ARID5B: variants seen among roughly 807,000 people sequenced by gnomAD.
ARID5B encodes AT-rich interaction domain 5B.
In ARID5B, 13 loss-of-function variants were observed where a neutral mutation model predicts 97.2. The ratio of observed to expected loss-of-function variants is 0.13; its 90% CI spans 0.09 to 0.21. The LOEUF (loss-of-function observed/expected upper bound fraction) is 0.21, where lower values mean the gene tolerates loss of function less well. ARID5B is among the 10% of genes least tolerant of loss of function. The pLI, the probability that ARID5B is intolerant of heterozygous loss-of-function variation, is 1.00. For missense variants in ARID5B, 1,210 were observed against 1,465.3 expected, an observed-to-expected ratio of 0.83 and a Z score of 2.84; for synonymous variants, 556 against 570.3, an observed-to-expected ratio of 0.97 and a Z score of 0.36.
At chr10:62,023,415 T>G (rs1016509755) in intron 4 of ARID5B, among the ~76,000 whole-genome samples, 1 of 152,224 alleles carries the variant, frequency 6.6e-6, no homozygotes, top group African/African-American at 2.4e-5. Context: ...CACAGAATCC[T>G]TTTGAGTCTT....
chr10:62,091,644 C>G lies in ARID5B; in HGVS notation c.2181C>G (p.Asp727Glu). 2 of 1,614,144 alleles carry G rather than the reference C, an allele frequency of 1.2e-6. No homozygotes were observed. Among genetic ancestry groups the G allele is most frequent in the Non-Finnish European group, 1.7e-6 (2 of 1,180,024 alleles). Reference sequence around the variant, plus strand: ...AAAAGAAACTGATTGCTAGGGATGACTTGTGTTCCAGTTTGTCCCAGACCC... The same window carrying G: ...AAAAGAAACTGATTGCTAGGGATGAGTTGTGTTCCAGTTTGTCCCAGACCC... ...ISKKKLIARD[D>E]LCSSLSQTHH... Residue 727 changes from aspartate to glutamate, a missense_variant, in exon 10 of 10, where the codon GAC (aspartate) becomes GAG (glutamate). Asp to Glu is a conservative substitution (Grantham distance 45). Around this residue, in one of 8 missense-constraint regions of ARID5B, gnomAD observed 800 missense variants for 839.1 expected, o/e 0.95. Transcript: ENST00000279873.
At chr10:61,988,068 A>G (rs1042717373) in intron 3 of ARID5B, among the ~76,000 whole-genome samples, 2 of 152,216 alleles carry the variant, frequency 1.3e-5, no homozygotes, top group South Asian at 4.1e-4. Context: ...ACCCTGTACA[A>G]AAAGGAAGTA....
At chr10:62,085,377 T>C (rs972985933) in intron 8 of ARID5B, among the ~76,000 whole-genome samples, 1 of 152,344 alleles carries the variant, frequency 6.6e-6, no homozygotes, top group Admixed American at 6.5e-5. Context: ...AGCATTATTG[T>C]TGCAGTTTTG....
Position 62,051,035 on chromosome 10 carries a change from G to A in ARID5B, c.846+35G>A. On this transcript the variant is annotated intron_variant, in intron 5 of 9. Transcript: ENST00000279873. The stretch of plus-strand genomic sequence containing the variant: ...TTCACTCCACGGTATTCATTTCGTT[G>A]CATCTTTTTATTTTTGCTTTTTCTC... The A allele has an allele frequency of 2.6e-6, 4 of 1,559,368 alleles. No homozygotes were observed. In the South Asian group the frequency reaches 4.4e-5, roughly 17 times the overall value.
intron 3 of ARID5B, among the ~76,000 whole-genome samples, chr10:61,959,310 C>A (rs994782989): frequency 2.0e-5 from 3 of 152,144 alleles, no homozygotes; most frequent in African/African-American, 7.2e-5. Flanking sequence ...CTTGGGAGAA[C>A]TTTGTGGCTG....
chr10:61,925,377 T>C (rs1156513154), intron 2 of ARID5B, among the ~76,000 whole-genome samples: 2 of 152,152 alleles, frequency 1.3e-5, no homozygotes, highest in Admixed American at 1.3e-4. Context: ...TTATCTTCTT[T>C]GTTAATGTTT....
At chr10:62,030,254 C>G (rs1839478993) in intron 4 of ARID5B, among the ~76,000 whole-genome samples, 2 of 151,962 alleles carry the variant, frequency 1.3e-5, no homozygotes, top group African/African-American at 4.8e-5. Flanking sequence ...CTCAGCCTCC[C>G]GAGTAGCTGG....
intron 3 of ARID5B, among the ~76,000 whole-genome samples, chr10:61,997,561 C>T (rs897276078): frequency 6.6e-5 from 10 of 152,216 alleles, no homozygotes; most frequent in African/African-American, 2.4e-4. Flanking sequence ...AATTGATGCA[C>T]CTTTACCCCT....
At chr10:62,031,132 G>C (rs1283897867) in intron 4 of ARID5B, among the ~76,000 whole-genome samples, 2 of 152,194 alleles carry the variant, frequency 1.3e-5, no homozygotes, top group Non-Finnish European at 2.9e-5. Context: ...TACTCGGGAG[G>C]CTGTGGCAGG....
chr10:61,926,378 T>C (rs1364787373), intron 2 of ARID5B, among the ~76,000 whole-genome samples: 1 of 152,136 alleles, frequency 6.6e-6, no homozygotes, highest in East Asian at 1.9e-4. Flanking sequence ...AAGATGATGC[T>C]ACCATGCTGG....
At chr10:62,043,238 A>G (rs1012119567) in intron 4 of ARID5B, among the ~76,000 whole-genome samples, 6 of 152,212 alleles carry the variant, frequency 3.9e-5, no homozygotes, top group Non-Finnish European at 8.8e-5. Flanking sequence ...TTAGAGAGTC[A>G]ATCCTCTGAA....
In ARID5B at chr10:61,978,844, C is replaced by A. The variant is rs186933890; in HGVS notation, c.503-21247C>A. On this transcript the variant is annotated intron_variant, in intron 3 of 9. Transcript: ENST00000279873. ...GACTTCCTCTTTTCCTAACTGAAAA[C>A]CCTTTATTTCTTTCTCCTGCCTGAT... is the stretch of plus-strand genomic sequence containing the variant. 4.4e-3 allele frequency among the ~76,000 whole-genome samples: 669 copies of A among 152,280 alleles called. 1 individual carries two copies. The highest frequency in any genetic ancestry group is 0.01 in the South Asian group (49 of 4,822).
rs770988660 is a variant in ARID5B, at chr10:62,000,623, A to G, written c.733+302A>G. 2.0e-5 allele frequency among the ~76,000 whole-genome samples: 3 copies of G among 152,128 alleles called. No homozygotes were observed. Among genetic ancestry groups the G allele is most frequent in the Non-Finnish European group, 2.9e-5 (2 of 68,024 alleles). On this transcript the variant is annotated intron_variant, in intron 4 of 9. Transcript: ENST00000279873. This position sits in a 1 kb window ranked among gnomAD's most constrained non-coding sequence, Gnocchi z 4.4. ...AAGCTTTCATGTTACTTTTCTCTCA[A>G]AAGGCTTTGTCTATTCAAATGCTTT...
At chr10:62,025,356 T>A (rs548826728) in intron 4 of ARID5B, 1 of 152,334 alleles carries the variant, frequency 6.6e-6, no homozygotes, top group Non-Finnish European at 1.5e-5. Context: ...GGCCATAGAA[T>A]TCAGTGACAT....
rs1252045617 is a variant in ARID5B at position 62,090,962 on chromosome 10, A to G, written c.1499A>G (p.Tyr500Cys). Residue 500 changes from tyrosine to cysteine, a missense_variant, in exon 10 of 10, where the codon TAT (tyrosine) becomes TGT (cysteine). Tyr to Cys is a radical substitution (Grantham distance 194). Around this residue, in one of 8 missense-constraint regions of ARID5B, gnomAD observed 800 missense variants for 839.1 expected, o/e 0.95. Transcript: ENST00000279873. ...AADMKKKIEG[Y>C]QEFSAKPLAS... is the part of the protein sequence containing the mutation. ...GACATGAAGAAAAAAATAGAAGGGT[A>G]TCAGGAATTTTCAGCGAAGCCCCTG... 8 of 1,614,076 alleles carry G rather than the reference A, an allele frequency of 5.0e-6. No homozygotes were observed. In the East Asian group the frequency reaches 6.7e-5, roughly 13 times the overall value.
Position 62,091,721 on chromosome 10 carries a change from A to G in ARID5B, c.2258A>G (p.Gln753Arg). ...HMAVSRPSVI[Q>R]HVQSFRSKPS... is the part of the protein sequence containing the mutation. ...GCGGTCAGCCGGCCATCAGTGATTC[A>G]GCACGTCCAGAGTTTCAGAAGCAAG... Residue 753 changes from glutamine to arginine, a missense_variant, in exon 10 of 10, where the codon CAG becomes CGG. This residue lies in a region of ARID5B where 800 missense variants were observed against 839.1 expected (regional missense o/e 0.95). Coordinates refer to ENST00000279873, the MANE Select transcript of ARID5B (RefSeq NM_032199.3). 1 of 1,614,192 alleles carries G rather than the reference A, an allele frequency of 6.2e-7. No homozygotes were observed. Among genetic ancestry groups the G allele is most frequent in the Non-Finnish European group, 8.5e-7 (1 of 1,180,046 alleles).
chr10:61,933,128 T>C (rs918289836), intron 2 of ARID5B, among the ~76,000 whole-genome samples: 1 of 152,196 alleles, frequency 6.6e-6, no homozygotes, highest in Non-Finnish European at 1.5e-5. Flanking sequence ...TCACCAACAG[T>C]AGATTTTATG....
chr10:61,901,973 G>GTTTTTT (rs371641779), intron 1 of ARID5B, among the ~76,000 whole-genome samples, 186 bp from the exon 2 acceptor site: 1 of 131,608 alleles, frequency 7.6e-6, no homozygotes, highest in African/African-American at 2.9e-5. Context: ...GGGGCCCTGA[G>GTTTTTT]TTTTTTTTTT....
intron 3 of ARID5B, among the ~76,000 whole-genome samples, chr10:61,949,167 A>T (rs1349402621): frequency 6.6e-6 from 1 of 152,224 alleles, no homozygotes; most frequent in African/African-American, 2.4e-5. Flanking sequence ...TTGGTGTCTG[A>T]GAGTCTGTTT....
Sources: allele counts gnomAD v4.1 joint callset (sites outside exome capture counted in the v4.1 genomes callset), GRCh38; gene constraint gnomAD v4.1.1; regional missense constraint gnomAD v4.1.1; non-coding constraint Gnocchi (gnomAD v3.1); transcripts MANE v1.5; gene names NCBI Gene and HGNC (gene_info 2026-07-23, HGNC 2026-07-21).